CA8: variants seen among roughly 807,000 people sequenced by gnomAD.
CA8 encodes the protein carbonic anhydrase 8 (inactive).
CA8 carries 22 observed loss-of-function variants against 41.4 expected under a neutral mutation model. The observed-to-expected ratio is 0.53, with a 90% confidence interval of 0.38 to 0.76. The LOEUF is 0.76. CA8 is among the 30% of genes least tolerant of loss of function. The pLI is 0.00. For missense variants in CA8, 270 were observed against 352.8 expected (o/e 0.77, Z 1.88); for synonymous variants, 121 against 130.6 (o/e 0.93, Z 0.50).
At chr8:60,227,889 T>G (rs1807498122) in intron 4 of CA8, among the ~76,000 whole-genome samples, 1 of 152,198 alleles carries the variant, frequency 6.6e-6, no homozygotes, top group South Asian at 2.1e-4. Context: ...TATTCTTGAC[T>G]TTGGCTTTAA....
intron 2 of CA8, among the ~76,000 whole-genome samples, chr8:60,269,198 C>G (rs984567406): frequency 6.6e-5 from 10 of 152,094 alleles, no homozygotes; most frequent in Non-Finnish European, 1.2e-4. Context: ...CATCTGGTAA[C>G]CCTCTTCCAG....
At chr8:60,255,317 C>G (rs564506165) in intron 3 of CA8, among the ~76,000 whole-genome samples, 1 of 142,202 alleles carries the variant, frequency 7.0e-6, no homozygotes, top group African/African-American at 2.6e-5. Flanking sequence ...TAAGCTATGT[C>G]TCCAGTATCG....
rs190822074 is a variant in CA8 at position 60,254,712 on chromosome 8, C to A, written c.417+11213G>T. On this transcript the variant is annotated intron_variant, in intron 3 of 8. Transcript: ENST00000317995. ...ATCCATAAACCACCCTTAGTTATAT[C>A]CATGGTTCAAATGGTGATCAGCTCA... Among the ~76,000 whole-genome samples the A allele has an allele frequency of 9.1e-3, 1,384 of 152,210 alleles. 23 individuals carry two copies. The highest frequency in any genetic ancestry group is 9.9e-3 in the Non-Finnish European group (675 of 68,026).
At chr8:60,237,435 C>T (rs1406446278) in intron 3 of CA8, among the ~76,000 whole-genome samples, 1 of 152,190 alleles carries the variant, frequency 6.6e-6, no homozygotes, top group Non-Finnish European at 1.5e-5. Context: ...TATGTAAATG[C>T]CACTTACCAT....
chr8:60,205,238 C>T (rs1465296998), intron 8 of CA8, among the ~76,000 whole-genome samples: 1 of 152,066 alleles, frequency 6.6e-6, no homozygotes, highest in African/African-American at 2.4e-5. Context: ...AGCCGTGTGA[C>T]ATTGCTTTTT....
intron 8 of CA8, among the ~76,000 whole-genome samples, chr8:60,192,977 C>CACA (rs1806178977): frequency 1.7e-5 from 2 of 115,298 alleles, no homozygotes; most frequent in South Asian, 2.9e-4. Context: ...ACACACACAC[C>CACA]CCACCCCATA....
intron 3 of CA8, among the ~76,000 whole-genome samples, chr8:60,246,288 G>A (rs1200156354): frequency 6.6e-6 from 1 of 151,818 alleles, no homozygotes; most frequent in Admixed American, 6.6e-5. Flanking sequence ...TTCTGGGGGG[G>A]GTTGAGTTTG....
chr8:60,213,443 C>G (rs748615577), intron 7 of CA8, among the ~76,000 whole-genome samples: 13 of 152,192 alleles, frequency 8.5e-5, no homozygotes, highest in Admixed American at 8.5e-4. Flanking sequence ...ATATAAAAAT[C>G]TCTACAAGCA....
chr8:60,201,989 T>C lies in CA8; in HGVS notation c.*35+6761A>G, dbSNP rs558645370. ...TGACTGTTTCCATCAGTTTCATTGG[T>C]TGTATAGTTTGATAGCTTTATGTAC... On this transcript the variant is annotated intron_variant, in intron 8 of 8. Coordinates refer to ENST00000317995, the MANE Select transcript of CA8 (RefSeq NM_004056.6). Among the ~76,000 whole-genome samples the C allele has an allele frequency of 1.2e-4, 17 of 142,586 alleles. 1 individual carries two copies. The highest frequency in any genetic ancestry group is 3.4e-3 in the Middle Eastern group (1 of 290). The allele number at this position is 142,586 out of a possible 152,430, so 93.5% of individuals were successfully genotyped here.
chr8:60,254,566 A>C (rs778529445), intron 3 of CA8, among the ~76,000 whole-genome samples: 1 of 152,264 alleles, frequency 6.6e-6, no homozygotes, highest in Non-Finnish European at 1.5e-5. Flanking sequence ...AACAAGTTGG[A>C]TAAGTGATAT....
At chr8:60,250,507 A>G (rs1808405296) in intron 3 of CA8, among the ~76,000 whole-genome samples, 1 of 151,918 alleles carries the variant, frequency 6.6e-6, no homozygotes, top group African/African-American at 2.4e-5. Flanking sequence ...CTTTCCCCAC[A>G]CTGGTTCTAA....
rs117370633 is a variant in CA8, at chr8:60,213,862, G to A, written c.739-4943C>T. Among the ~76,000 whole-genome samples the A allele has an allele frequency of 5.9e-3, 889 of 151,640 alleles. 1 individual carries two copies. The highest frequency in any genetic ancestry group is 9.0e-3 in the Non-Finnish European group (611 of 67,928). Reference sequence around the variant, plus strand: ...GCTGGCCTAGCGCTGCCCTTCACACGCACCTTCAGGACCTCGGCATTCTCG... The same window carrying A: ...GCTGGCCTAGCGCTGCCCTTCACACACACCTTCAGGACCTCGGCATTCTCG... On this transcript the variant is annotated intron_variant, in intron 7 of 8. Transcript: ENST00000317995.
intron 5 of CA8, 133 bp downstream of exon 5, chr8:60,226,740 A>T: frequency 1.5e-6 from 1 of 671,414 alleles, no homozygotes; most frequent in South Asian, 1.7e-5. Context: ...TTTCACTGTA[A>T]TAAACCATAA....
intron 3 of CA8, among the ~76,000 whole-genome samples, chr8:60,261,094 G>A (rs1343916488): frequency 6.6e-6 from 1 of 151,840 alleles, no homozygotes; most frequent in East Asian, 1.9e-4. Flanking sequence ...AAGAGAAGAA[G>A]AAATGTGGGA....
intron 2 of CA8, among the ~76,000 whole-genome samples, chr8:60,270,285 G>A (rs1804027842): frequency 6.6e-6 from 1 of 152,188 alleles, no homozygotes; most frequent in Non-Finnish European, 1.5e-5. Flanking sequence ...AGATGGTGAG[G>A]CCAGGAGATG....
rs1585828171 is a variant in CA8 at position 60,186,535 on chromosome 8, T to C, written c.*3486A>G. On this transcript the variant is annotated 3_prime_UTR_variant, in exon 9 of 9. Coordinates refer to ENST00000317995, the MANE Select transcript of CA8 (RefSeq NM_004056.6). ...GACATGTGGAAAACAAAAAGTAAAA[T>C]GGCAGACACAAATCCAACTATATAA... Among the ~76,000 whole-genome samples, 1 of 148,888 alleles carries C rather than the reference T, an allele frequency of 6.7e-6. No homozygotes were observed. The highest frequency in any genetic ancestry group is 1.5e-5 in the Non-Finnish European group (1 of 66,774).
intron 4 of CA8, among the ~76,000 whole-genome samples, chr8:60,230,485 G>A (rs1807604783): frequency 6.6e-6 from 1 of 152,100 alleles, no homozygotes; most frequent in Admixed American, 6.5e-5. Context: ...CTTCTTGGAA[G>A]GAAAGTCTAC....
At chr8:60,260,951 G>C (rs1287450616) in intron 3 of CA8, among the ~76,000 whole-genome samples, 1 of 152,050 alleles carries the variant, frequency 6.6e-6, no homozygotes, top group Non-Finnish European at 1.5e-5. Flanking sequence ...CCTTAGAATA[G>C]TAAAATACAT....
chr8:60,277,745 T>G (rs2130633786), intron 2 of CA8, among the ~76,000 whole-genome samples: 1 of 152,352 alleles, frequency 6.6e-6, no homozygotes, highest in Middle Eastern at 3.4e-3. Flanking sequence ...TTACAAATGG[T>G]TCCTCTGAGG....
Sources: allele counts gnomAD v4.1 joint callset (sites outside exome capture counted in the v4.1 genomes callset), GRCh38; gene constraint gnomAD v4.1.1; transcripts MANE v1.5; gene names NCBI Gene and HGNC (gene_info 2026-07-23, HGNC 2026-07-21).